ADGRL3: variants seen among roughly 807,000 people sequenced by gnomAD.
The protein encoded by ADGRL3 is calcium-independent alpha-latrotoxin receptor 3.
Under a neutral mutation model 153.5 loss-of-function variants are expected in ADGRL3, and 62 were observed. That is an observed-to-expected ratio of 0.40 (90% CI 0.33 to 0.50). The LOEUF is 0.50. Among genes scored for constraint, ADGRL3 ranks in the 20% least tolerant of loss-of-function variants. The probability of loss-of-function intolerance (pLI) is 0.47; values close to 1 mark genes in which losing one functional copy is unlikely to be tolerated. For synonymous variants in ADGRL3, 710 were observed against 672.5 expected (o/e 1.06, Z -0.86); for missense variants, 1,641 against 1,859.4 (o/e 0.88, Z 2.16).
intron 17 of ADGRL3, among the ~76,000 whole-genome samples, chr4:61,972,450 C>G (rs1360358012): frequency 1.3e-5 from 2 of 152,034 alleles, no homozygotes; most frequent in African/African-American, 4.8e-5. Context: ...TCAGGTTTGT[C>G]AGAGATCAGA....
chr4:61,495,307 A>C (rs2152801468), intron 2 of ADGRL3, among the ~76,000 whole-genome samples: 1 of 152,348 alleles, frequency 6.6e-6, no homozygotes, highest in East Asian at 1.9e-4. Context: ...AATGAAGTGT[A>C]TTAATACATT....
At chr4:61,384,384 T>A (rs1382321205) in intron 2 of ADGRL3, among the ~76,000 whole-genome samples, 1 of 151,472 alleles carries the variant, frequency 6.6e-6, no homozygotes, top group Non-Finnish European at 1.5e-5. Flanking sequence ...TCTTTCAGAA[T>A]AGATGTGATT....
intron 2 of ADGRL3, among the ~76,000 whole-genome samples, chr4:61,455,149 A>G (rs1354825524): frequency 6.6e-6 from 1 of 152,148 alleles, no homozygotes; most frequent in African/African-American, 2.4e-5. Flanking sequence ...GTAGGAAAAG[A>G]TATTTTCTGG....
chr4:61,773,139 G>T (rs978947683), intron 8 of ADGRL3, among the ~76,000 whole-genome samples: 1 of 152,258 alleles, frequency 6.6e-6, no homozygotes, highest in South Asian at 2.1e-4. Flanking sequence ...AAGAAAGAAA[G>T]AGCACAGTTT....
At position 62,076,152 on chromosome 4, in the gene ADGRL3, T is replaced by G. The variant is rs1166874624; in HGVS notation, c.*5244T>G. 6.6e-6 allele frequency: 1 copy of G among 152,114 alleles called. No individual in the cohort carries two copies. The highest frequency in any genetic ancestry group is 1.5e-5 in the Non-Finnish European group (1 of 67,976). 9.4% of individuals were successfully genotyped at this position (152,114 alleles called of 1,614,324 possible). A position where few individuals can be genotyped will look rare whatever the true frequency, so the allele number is the denominator to read the frequency against. ...ATAATCTCATTGAAAGATATTGCTA[T>G]TCCTTCTTTATTTAAAAAAAAATTT... On this transcript the variant is annotated 3_prime_UTR_variant, in exon 27 of 27. Transcript: ENST00000683033.
At chr4:62,026,587 C>T (rs1718705908) in intron 21 of ADGRL3, among the ~76,000 whole-genome samples, 1 of 151,898 alleles carries the variant, frequency 6.6e-6, no homozygotes, top group East Asian at 1.9e-4. Context: ...CCATTGCAAA[C>T]TTTGTATTTT....
At chr4:61,871,924 G>T (rs114492762) in intron 9 of ADGRL3, among the ~76,000 whole-genome samples, 1 of 152,016 alleles carries the variant, frequency 6.6e-6, no homozygotes, top group Non-Finnish European at 1.5e-5. Flanking sequence ...TTTCAGTTAC[G>T]CCTGCCTTGA....
intron 1 of ADGRL3, among the ~76,000 whole-genome samples, chr4:61,220,762 C>CT (rs1214196806): frequency 2.0e-5 from 3 of 152,104 alleles, no homozygotes; most frequent in Non-Finnish European, 4.4e-5. Context: ...ATCAAACTAT[C>CT]TTTTTTATCT....
rs2096247745 is a variant in ADGRL3, at chr4:61,721,763, G to A, written c.584-8859G>A. ...TTCCTCCCATCACTCCCCTTTTGAG[G>A]TATGTGAGTGCTCAGTGACAAACAC... On this transcript the variant is annotated intron_variant, in intron 6 of 26. Coordinates refer to ENST00000683033, the MANE Select transcript of ADGRL3 (RefSeq NM_001387552.1). Among the ~76,000 whole-genome samples, 3 of 152,150 alleles carry A rather than the reference G, an allele frequency of 2.0e-5. No individual in the cohort carries two copies. In the South Asian group the frequency reaches 6.2e-4, roughly 32 times the overall value.
intron 4 of ADGRL3, among the ~76,000 whole-genome samples, chr4:61,541,458 A>G (rs186271037): frequency 6.8e-6 from 1 of 146,304 alleles, no homozygotes; most frequent in East Asian, 2.1e-4. Flanking sequence ...GCAGGCTGCC[A>G]TTTTATATCT....
intron 1 of ADGRL3, among the ~76,000 whole-genome samples, chr4:61,262,899 T>C (rs961391819): frequency 6.6e-6 from 1 of 152,136 alleles, no homozygotes; most frequent in Non-Finnish European, 1.5e-5. Flanking sequence ...GAAGGATATA[T>C]CTTTAAAAAT....
At chr4:61,384,441 T>A (rs927789990) in intron 2 of ADGRL3, among the ~76,000 whole-genome samples, 1 of 150,788 alleles carries the variant, frequency 6.6e-6, no homozygotes, top group Non-Finnish European at 1.5e-5. Flanking sequence ...TTATAAAATA[T>A]ACTACTATAT....
chr4:61,221,632 T>C (rs1560365626), intron 1 of ADGRL3, among the ~76,000 whole-genome samples: 1 of 152,196 alleles, frequency 6.6e-6, no homozygotes, highest in Non-Finnish European at 1.5e-5. Flanking sequence ...TCCATGTTTT[T>C]GAGTCTCTTA....
chr4:61,847,606 ATATATTATATATATAATATAAAATATAT>A lies in ADGRL3; in HGVS notation c.1480+33723_1480+33750del, dbSNP rs199587699. Reference sequence around the variant, plus strand: ...TGTGTGTATATATATATAATATATAATATATTATATATATAATATAAAATATATTATATATATAATATAAAATATATTA... The same window carrying A: ...TGTGTGTATATATATATAATATATAATATATATATAATATAAAATATATTA... On this transcript the variant is annotated intron_variant, in intron 9 of 26. Transcript: ENST00000683033. Among the ~76,000 whole-genome samples, 33 of 65,900 alleles carry A rather than the reference ATATATTATATATATAATATAAAATATAT, an allele frequency of 5.0e-4. 2 individuals carry two copies. In the East Asian group the frequency reaches 9.0e-3, roughly 18 times the overall value. 43.2% of individuals were successfully genotyped at this position (65,900 alleles called of 152,430 possible).
chr4:61,674,706 G>T (rs2095127975), intron 5 of ADGRL3, among the ~76,000 whole-genome samples: 1 of 151,776 alleles, frequency 6.6e-6, no homozygotes, highest in South Asian at 2.1e-4. Flanking sequence ...CCTGCCTATT[G>T]TATTAAAAAC....
chr4:61,748,397 C>G (rs148067983), intron 8 of ADGRL3, among the ~76,000 whole-genome samples: 85,545 of 148,874 alleles, frequency 0.57, 26,953 homozygotes, highest in African/African-American at 0.82. Context: ...AGCCTGCATT[C>G]CCAAGTCAAT....
At chr4:61,523,553 G>T (rs2098543160) in intron 4 of ADGRL3, among the ~76,000 whole-genome samples, 3 of 152,022 alleles carry the variant, frequency 2.0e-5, no homozygotes, top group Admixed American at 2.0e-4. Flanking sequence ...ATTCTTATGT[G>T]CATCTAGGGT....
At chr4:61,771,231 C>T (rs1174361945) in intron 8 of ADGRL3, among the ~76,000 whole-genome samples, 8 of 152,126 alleles carry the variant, frequency 5.3e-5, no homozygotes, top group African/African-American at 1.9e-4. Context: ...AGGCAAGACC[C>T]CTGTGCAAGT....
intron 8 of ADGRL3, among the ~76,000 whole-genome samples, chr4:61,808,265 G>A (rs1247119433): frequency 1.3e-5 from 2 of 152,070 alleles, no homozygotes; most frequent in Non-Finnish European, 2.9e-5. Context: ...CCTTAATACC[G>A]ACCACAGAGT....
Sources: gnomAD v4.1 joint callset for allele counts (sites outside exome capture counted in the v4.1 genomes callset) on GRCh38, gnomAD v4.1.1 for gene constraint, MANE v1.5 for transcripts, NCBI Gene and HGNC (gene_info 2026-07-23, HGNC 2026-07-21) for gene names.